LRRIQ4: variants seen among roughly 807,000 people sequenced by gnomAD.
LRRIQ4 encodes the protein leucine rich repeats and IQ motif containing 4, also known as leucine-rich repeat and IQ domain-containing protein 4.
A neutral mutation model predicts 40.1 loss-of-function variants in LRRIQ4; 21 were observed. The ratio of observed to expected loss-of-function variants is 0.52; its 90% CI spans 0.37 to 0.75. LRRIQ4 has a LOEUF of 0.75. Among genes scored for constraint, LRRIQ4 ranks in the 30% least tolerant of loss-of-function variants. The pLI, the probability that LRRIQ4 is intolerant of heterozygous loss-of-function variation, is 0.00. For missense variants in LRRIQ4, 655 were observed against 660.0 expected, an observed-to-expected ratio of 0.99 and a Z score of 0.08; for synonymous variants, 277 against 277.1, an observed-to-expected ratio of 1.00 and a Z score of 0.00.
Position 169,822,456 on chromosome 3 carries a change from G to GTTT in LRRIQ4, c.537_539dup (p.Phe180dup). ...CTACCTGAAGCGAAACCAGTTTGAA[G>GTTT]TTTTCCCCCAGGAGCTCTGTGTTCT... is the stretch of plus-strand genomic sequence containing the variant. On this transcript the variant is annotated inframe_insertion, in exon 2 of 6. Coordinates refer to ENST00000340806, the MANE Select transcript of LRRIQ4 (RefSeq NM_001080460.3). The GTTT allele has an allele frequency of 6.2e-7, 1 of 1,613,972 alleles. No individual in the cohort carries two copies. Among genetic ancestry groups the GTTT allele is most frequent in the Non-Finnish European group, 8.5e-7 (1 of 1,179,886 alleles).
intron 1 of LRRIQ4, among the ~76,000 whole-genome samples, chr3:169,819,094 G>C (rs74682873): frequency 0.016 from 2,380 of 152,194 alleles, 65 homozygotes; most frequent in African/African-American, 0.054. Flanking sequence ...AAAATCACCC[G>C]ACCATAATAT....
intron 2 of LRRIQ4, 63 bp from the exon 3 acceptor site, chr3:169,828,696 C>T: frequency 6.6e-7 from 1 of 1,505,784 alleles, no homozygotes; most frequent in South Asian, 1.2e-5. Context: ...ACCAGAAGCC[C>T]AATTTATCTC....
At position 169,822,573 on chromosome 3, in the gene LRRIQ4, A is replaced by T. The variant is rs1779930457; in HGVS notation, c.652A>T (p.Met218Leu). The change falls in exon 2 of 6, where the codon ATG (methionine) becomes TTG (leucine). Residue 218 changes from methionine to leucine, a missense_variant. By Grantham distance (15) the Met-to-Leu change is conservative. Coordinates refer to ENST00000340806, the MANE Select transcript of LRRIQ4 (RefSeq NM_001080460.3). ...CCTGACGGGGCTGCAGAAGTTCTATATGGCTTCTAACAACCTTCCCGTTCT... is the reference window on the plus strand; with the variant it reads ...CCTGACGGGGCTGCAGAAGTTCTATTTGGCTTCTAACAACCTTCCCGTTCT... ...GHLTGLQKFY[M>L]ASNNLPVLPA... The T allele has an allele frequency of 6.2e-7, 1 of 1,613,988 alleles. No individual in the cohort carries two copies. Among genetic ancestry groups the T allele is most frequent in the Admixed American group, 1.7e-5 (1 of 60,018 alleles).
Position 169,825,008 on chromosome 3 carries a change from CTTT to C in LRRIQ4, c.1020+2082_1020+2084del, listed in dbSNP as rs10575036. 8.8e-3 allele frequency among the ~76,000 whole-genome samples: 1,184 copies of C among 133,958 alleles called. 6 individuals carry two copies. The highest frequency in any genetic ancestry group is 9.5e-3 in the Non-Finnish European group (600 of 63,066). The allele number at this position is 133,958 out of a possible 152,430, so 87.9% of individuals were successfully genotyped here. On this transcript the variant is annotated intron_variant, in intron 2 of 5. Transcript: ENST00000340806. ...GCCTTACGGATTTATTTTTAAAAATCTTTTTTTTTTTTTTTTTGAGATGAGCTC... is the reference window on the plus strand; with the variant it reads ...GCCTTACGGATTTATTTTTAAAAATCTTTTTTTTTTTTTTGAGATGAGCTC...
At position 169,822,675 on chromosome 3, in the gene LRRIQ4, A is replaced by T; in HGVS notation, c.754A>T (p.Ser252Cys). Residue 252 changes from serine to cysteine, a missense_variant, in exon 2 of 6, where the codon AGC becomes TGC. Physicochemically the swap from Ser to Cys is moderately radical, Grantham distance 112. Coordinates refer to ENST00000340806, the MANE Select transcript of LRRIQ4 (RefSeq NM_001080460.3). The part of the protein sequence containing the change: ...SHNLLHSIPK[S>C]FAELRKMTEI... The stretch of plus-strand genomic sequence containing the variant: ...CAACCTCCTCCACTCCATCCCGAAG[A>T]GCTTCGCCGAGCTCAGGAAGATGAC... The T allele has an allele frequency of 3.1e-6, 5 of 1,613,928 alleles. No homozygotes were observed. The highest frequency in any genetic ancestry group is 4.2e-6 in the Non-Finnish European group (5 of 1,179,894).
At chr3:169,835,107 G>A (rs1056252878) in intron 5 of LRRIQ4, among the ~76,000 whole-genome samples, 4 of 152,114 alleles carry the variant, frequency 2.6e-5, no homozygotes, top group Admixed American at 2.0e-4. Flanking sequence ...TCACGTAGAT[G>A]AGTTAAAGAG....
rs1357863021 is a variant in LRRIQ4 at position 169,830,641 on chromosome 3, T to G, written c.1333+11T>G. 1 of 1,613,830 alleles carries G rather than the reference T, an allele frequency of 6.2e-7. No homozygotes were observed. The highest frequency in any genetic ancestry group is 2.2e-5 in the East Asian group (1 of 44,870). On this transcript the variant is annotated intron_variant, in intron 4 of 5. Transcript: ENST00000340806. ...TTTGCCAAGCACAAGGTGAGGAAAC[T>G]TAGTAGATTCACAGCCTAGCAGAGT...
chr3:169,822,586 A>G lies in LRRIQ4; in HGVS notation c.665A>G (p.Asn222Ser), dbSNP rs1469961452. The change falls in exon 2 of 6, where the codon AAC (asparagine) becomes AGC (serine). Residue 222 changes from asparagine to serine, a missense_variant. Coordinates refer to ENST00000340806, the MANE Select transcript of LRRIQ4 (RefSeq NM_001080460.3). ...GLQKFYMASN[N>S]LPVLPASLCQ... is the part of the protein sequence containing the mutation. ...CAGAAGTTCTATATGGCTTCTAACA[A>G]CCTTCCCGTTCTGCCCGCGTCCTTG... 1.2e-6 allele frequency: 2 copies of G among 1,613,940 alleles called. No individual in the cohort carries two copies. Among genetic ancestry groups the G allele is most frequent in the African/African-American group, 2.7e-5 (2 of 75,026 alleles).
intron 5 of LRRIQ4, among the ~76,000 whole-genome samples, chr3:169,835,723 C>T (rs9832786): frequency 0.015 from 2,343 of 152,168 alleles, 67 homozygotes; most frequent in African/African-American, 0.054. Context: ...CCCTGGATCC[C>T]GATTGGTCTG....
chr3:169,834,003 T>C (rs935497540), intron 5 of LRRIQ4, among the ~76,000 whole-genome samples: 1 of 152,218 alleles, frequency 6.6e-6, no homozygotes, highest in African/African-American at 2.4e-5. Flanking sequence ...CAAAAGGACA[T>C]AATTTTAATC....
In LRRIQ4 at chr3:169,822,532, C is replaced by T. The variant is rs1779927463; in HGVS notation, c.611C>T (p.Pro204Leu). The change falls in exon 2 of 6, where the codon CCA (proline) becomes CTA (leucine). Residue 204 changes from proline to leucine, a missense_variant. By Grantham distance (98) the Pro-to-Leu change is moderately conservative. Transcript: ENST00000340806. ...DLDENKIGAI[P>L]EEIGHLTGLQ... Reference sequence around the variant, plus strand: ...GACGAGAACAAAATAGGTGCCATCCCAGAAGAGATCGGACACCTGACGGGG... The same window carrying T: ...GACGAGAACAAAATAGGTGCCATCCTAGAAGAGATCGGACACCTGACGGGG... 6.2e-7 allele frequency: 1 copy of T among 1,613,842 alleles called. No individual in the cohort carries two copies. The highest frequency in any genetic ancestry group is 1.7e-5 in the Admixed American group (1 of 59,982).
intron 3 of LRRIQ4, 22 bp downstream of exon 3, chr3:169,828,954 G>A: frequency 6.3e-7 from 1 of 1,583,114 alleles, no homozygotes; most frequent in Non-Finnish European, 8.6e-7. Context: ...CAAATGAGCA[G>A]GCTAAGAAGC....
At chr3:169,829,038 C>A in intron 3 of LRRIQ4, 106 bp downstream of exon 3, 1 of 999,632 alleles carries the variant, frequency 1.0e-6, no homozygotes, top group Non-Finnish European at 1.5e-6. Flanking sequence ...TAGAATCATC[C>A]ATACTAGATT....
At chr3:169,818,875 A>G (rs191148728) in intron 1 of LRRIQ4, among the ~76,000 whole-genome samples, 6 of 152,366 alleles carry the variant, frequency 3.9e-5, no homozygotes, top group African/African-American at 1.2e-4. Context: ...GTCACACACC[A>G]TATTAACCTC....
intron 1 of LRRIQ4, among the ~76,000 whole-genome samples, chr3:169,818,908 A>G (rs1779816760): frequency 6.6e-6 from 1 of 152,182 alleles, no homozygotes; most frequent in Non-Finnish European, 1.5e-5. Flanking sequence ...TTACCTATCT[A>G]GTTTGTGCAT....
At chr3:169,830,821 T>C (rs1278139144) in intron 4 of LRRIQ4, among the ~76,000 whole-genome samples, 191 bp downstream of exon 4, 1 of 152,236 alleles carries the variant, frequency 6.6e-6, no homozygotes, top group Admixed American at 6.5e-5. Flanking sequence ...GCTAAGAGTC[T>C]TGCAAAGGCA....
intron 5 of LRRIQ4, 88 bp from the exon 6 acceptor site, chr3:169,837,391 A>C (rs926849283): frequency 2.4e-5 from 33 of 1,399,716 alleles, no homozygotes; most frequent in Non-Finnish European, 3.2e-5. Context: ...CACGTCTTCA[A>C]GACCATGTAT....
chr3:169,831,995 A>G (rs1451685543), intron 4 of LRRIQ4, among the ~76,000 whole-genome samples: 1 of 151,180 alleles, frequency 6.6e-6, no homozygotes, highest in African/African-American at 2.4e-5. Context: ...AAAAAAAAAA[A>G]GAAAAAAAAA....
rs61738871 is a variant in LRRIQ4, at chr3:169,822,024, C to G, written c.103C>G (p.Gln35Glu). 0.1 allele frequency: 158,951 copies of G among 1,597,394 alleles called. 8,309 individuals carry two copies. The highest frequency in any genetic ancestry group is 0.15 in the Admixed American group (8,066 of 55,562). The change falls in exon 2 of 6, where the codon CAG becomes GAG. Residue 35 changes from glutamine to glutamate, a missense_variant. Transcript: ENST00000340806. The part of the protein sequence containing the change: ...DRTFFIDASN[Q>E]SLTAIPLEIF... Reference sequence around the variant, plus strand: ...AACATTTTTCATTGATGCCTCTAATCAGAGCTTGACTGCCATTCCTTTGGA... The same window carrying G: ...AACATTTTTCATTGATGCCTCTAATGAGAGCTTGACTGCCATTCCTTTGGA...
Sources: gnomAD v4.1 joint callset for allele counts (sites outside exome capture counted in the v4.1 genomes callset) on GRCh38, gnomAD v4.1.1 for gene constraint, MANE v1.5 for transcripts, NCBI Gene and HGNC (gene_info 2026-07-23, HGNC 2026-07-21) for gene names.